Variants in FCGR3A observed in about 807,000 individuals in gnomAD.
The protein encoded by FCGR3A is low affinity immunoglobulin gamma Fc region receptor III-A.
FCGR3A carries 13 observed loss-of-function variants against 24.1 expected under a neutral mutation model. The ratio of observed to expected loss-of-function variants is 0.54; its 90% CI spans 0.35 to 0.86. The LOEUF (loss-of-function observed/expected upper bound fraction) is 0.86, where lower values mean the gene tolerates loss of function less well. Ranked by LOEUF, FCGR3A falls within the 40% of genes least tolerant of loss-of-function variation. The pLI, the probability that FCGR3A is intolerant of heterozygous loss-of-function variation, is 0.01. For synonymous variants in FCGR3A, 93 were observed against 112.2 expected (o/e 0.83, Z 1.08); for missense variants, 235 against 298.0 (o/e 0.79, Z 1.56).
chr1:161,545,096 G>A (rs1677329676), intron 3 of FCGR3A, 138 bp from the exon 4 acceptor site: 11 of 1,026,918 alleles, frequency 1.1e-5, no homozygotes, highest in Admixed American at 2.9e-5. Context: ...CTCCCTTTGG[G>A]GAAGAGCTGA....
At position 161,543,747 on chromosome 1, in the gene FCGR3A, A is replaced by G. The variant is rs1207358086; in HGVS notation, c.578-548T>C. The stretch of plus-strand genomic sequence containing the variant: ...TAAAGTGTCATGAAATTATTTTTGT[A>G]CAAATTATGGCATTGTAGTGTCAAA... On this transcript the variant is annotated intron_variant, in intron 4 of 4. Coordinates refer to ENST00000443193, the MANE Select transcript of FCGR3A (RefSeq NM_000569.8). 2.6e-5 allele frequency among the ~76,000 whole-genome samples: 4 copies of G among 152,276 alleles called. No individual in the cohort carries two copies. In the East Asian group the frequency reaches 7.7e-4, roughly 29 times the overall value.
Position 161,542,665 on chromosome 1 carries a change from T to C in FCGR3A, c.*347A>G, listed in dbSNP as rs1410552592. Reference sequence around the variant, plus strand: ...GTTTTTTTTTCCCCTCTAAACTGGGTAATTTATAACACGAGCAATTTTTGT... The same window carrying C: ...GTTTTTTTTTCCCCTCTAAACTGGGCAATTTATAACACGAGCAATTTTTGT... On this transcript the variant is annotated 3_prime_UTR_variant, in exon 5 of 5. Transcript: ENST00000443193. 1 of 179,198 alleles carries C rather than the reference T, an allele frequency of 5.6e-6. No individual in the cohort carries two copies. Among genetic ancestry groups the C allele is most frequent in the African/African-American group, 2.4e-5 (1 of 42,142 alleles). The allele number at this position is 179,198 out of a possible 1,614,324, so 11.1% of individuals were successfully genotyped here. A position where few individuals can be genotyped will look rare whatever the true frequency, so the allele number is the denominator to read the frequency against.
intron 1 of FCGR3A, 47 bp downstream of exon 1, chr1:161,549,650 C>T (rs34436026): frequency 0.03 from 48,577 of 1,609,900 alleles, 1,029 homozygotes; most frequent in Non-Finnish European, 0.036. Context: ...TCTGCTGAAC[C>T]CAAGGCATCT....
intron 4 of FCGR3A, among the ~76,000 whole-genome samples, chr1:161,543,730 C>G (rs1423171265): frequency 6.6e-6 from 1 of 152,260 alleles, no homozygotes; most frequent in Admixed American, 6.5e-5. Context: ...TTTAAAGTGT[C>G]ATGAAATTAT....
At position 161,543,199 on chromosome 1, in the gene FCGR3A, C is replaced by A. The variant is rs371513694; in HGVS notation, c.578G>T (p.Gly193Val). 18 of 1,612,042 alleles carry A rather than the reference C, an allele frequency of 1.1e-5. No individual in the cohort carries two copies. Among genetic ancestry groups the A allele is most frequent in the Non-Finnish European group, 8.5e-6 (10 of 1,179,098 alleles). The change falls in exon 5 of 5, where the codon GGT (glycine) becomes GTT (valine). Residue 193 changes from glycine (G) to valine (V), a missense_variant and splice_region_variant. Gly to Val is a moderately radical substitution (Grantham distance 109, BLOSUM62 -3). Coordinates refer to ENST00000443193, the MANE Select transcript of FCGR3A (RefSeq NM_000569.8). ...TGATGAGATGGTTGACACTGCCAAA[C>A]CTATTAGGAGAAGTGGAGAGATGAA... is the stretch of plus-strand genomic sequence containing the variant. ...SETVNITITQ[G>V]LAVSTISSFF...
intron 4 of FCGR3A, among the ~76,000 whole-genome samples, chr1:161,544,018 A>G (rs1677262521): frequency 6.6e-6 from 1 of 152,308 alleles, no homozygotes; most frequent in Non-Finnish European, 1.5e-5. Context: ...GAAGTCTTTG[A>G]TGTGACCTTA....
upstream of FCGR3A, chr1:161,549,924 A>T (rs1318756011): frequency 2.0e-6 from 3 of 1,531,696 alleles, no homozygotes; most frequent in African/African-American, 1.4e-5. Context: ...GCCCCACCAT[A>T]GAACAGGACC....
rs1378722771 is a variant in FCGR3A at position 161,549,585 on chromosome 1, T to A, written c.40+112A>T. 46 of 1,515,740 alleles carry A rather than the reference T, an allele frequency of 3.0e-5. 1 individual carries two copies. The highest frequency in any genetic ancestry group is 3.8e-5 in the Non-Finnish European group (43 of 1,134,508). 93.9% of individuals were successfully genotyped at this position (1,515,740 alleles called of 1,614,324 possible). ...GGAGCTCAATCCACAGCTATAGATG[T>A]GGTGAGGGGTCCCATCCCTTCGTGG... On this transcript the variant is annotated intron_variant, in intron 1 of 4. Transcript: ENST00000443193.
chr1:161,542,746 G>T lies in FCGR3A; in HGVS notation c.*266C>A, dbSNP rs767581354. The T allele has an allele frequency of 2.3e-4, 78 of 340,900 alleles. No individual in the cohort carries two copies. The highest frequency in any genetic ancestry group is 3.7e-4 in the Non-Finnish European group (69 of 185,938). 21.1% of individuals were successfully genotyped at this position (340,900 alleles called of 1,614,324 possible). A position where few individuals can be genotyped will look rare whatever the true frequency, so the allele number is the denominator to read the frequency against. ...ATTGTTGCTTTGCTGTGAGGGAACG[G>T]TTGGGACAGAAAAAGTGTTTGTGTA... is the stretch of plus-strand genomic sequence containing the variant. On this transcript the variant is annotated 3_prime_UTR_variant, in exon 5 of 5. Coordinates refer to ENST00000443193, the MANE Select transcript of FCGR3A (RefSeq NM_000569.8).
chr1:161,548,537 G>A lies in FCGR3A; in HGVS notation c.203C>T (p.Ser68Leu), dbSNP rs750126518. 6.2e-7 allele frequency: 1 copy of A among 1,613,920 alleles called. No homozygotes were observed. Among genetic ancestry groups the A allele is most frequent in the African/African-American group, 1.3e-5 (1 of 74,936 alleles). Residue 68 changes from serine to leucine, a missense_variant, in exon 3 of 5, where the codon TCA becomes TTA. By Grantham distance (145) the Ser-to-Leu change is moderately radical. Coordinates refer to ENST00000443193, the MANE Select transcript of FCGR3A (RefSeq NM_000569.8). ...TQWFHNESLI[S>L]SQASSYFIDA... Reference sequence around the variant, plus strand: ...AATGAAGTAGCTCGAGGCCTGGCTTGAGATGAGGCTCTCATTGTGAAACCA... The same window carrying A: ...AATGAAGTAGCTCGAGGCCTGGCTTAAGATGAGGCTCTCATTGTGAAACCA...
chr1:161,549,856 A>C, upstream of FCGR3A: 1 of 1,611,512 alleles, frequency 6.2e-7, no homozygotes, highest in Non-Finnish European at 8.5e-7. Context: ...TCTGTCACCC[A>C]CCAATTTCCT....
chr1:161,548,007 G>A (rs1436045457), intron 3 of FCGR3A, among the ~76,000 whole-genome samples: 1 of 152,300 alleles, frequency 6.6e-6, no homozygotes, highest in Non-Finnish European at 1.5e-5. Flanking sequence ...GGGGGCAGAA[G>A]TTGCAGTGAG....
At chr1:161,547,433 G>A (rs1677473929) in intron 3 of FCGR3A, among the ~76,000 whole-genome samples, 1 of 152,164 alleles carries the variant, frequency 6.6e-6, no homozygotes, top group African/African-American at 2.4e-5. Flanking sequence ...GGGCGACACT[G>A]CAGGGACCAG....
At position 161,543,049 on chromosome 1, in the gene FCGR3A, T is replaced by C. The variant is rs1553200676; in HGVS notation, c.728A>G (p.His243Arg). 4 of 1,613,158 alleles carry C rather than the reference T, an allele frequency of 2.5e-6. No homozygotes were observed. The South Asian group carries it at 4.4e-5, about 18-fold the overall frequency. Residue 243 changes from histidine (H) to arginine (R), a missense_variant, in exon 5 of 5, where the codon CAT becomes CGT. By Grantham distance (29) the His-to-Arg change is conservative. Coordinates refer to ENST00000443193, the MANE Select transcript of FCGR3A (RefSeq NM_000569.8). Reference protein sequence around the residue: ...IRSSTRDWKDHKFKWRKDPQD... With the variant: ...IRSSTRDWKDRKFKWRKDPQD... ...AGGGTCCTTTCTCCATTTAAATTTA[T>C]GGTCCTTCCAGTCTCTTGTTGAGCT...
upstream of FCGR3A, chr1:161,550,680 ACCT>A (rs1258265905): frequency 9.2e-5 from 14 of 152,320 alleles, no homozygotes; most frequent in Admixed American, 6.5e-4. Flanking sequence ...AGGGTTGTTA[ACCT>A]CTTCTCTTCT....
At chr1:161,544,999 C>T (rs767073495) in intron 3 of FCGR3A, 41 bp from the exon 4 acceptor site, 2 of 1,599,828 alleles carry the variant, frequency 1.3e-6, no homozygotes, top group Non-Finnish European at 8.6e-7. Context: ...GGCCTCAGCT[C>T]TCAGTGCAGA....
chr1:161,546,892 G>A (rs1214055444), intron 3 of FCGR3A, among the ~76,000 whole-genome samples: 1 of 151,942 alleles, frequency 6.6e-6, no homozygotes, highest in Admixed American at 6.6e-5. Flanking sequence ...GTGACAGAGA[G>A]AGACTCTGTC....
upstream of FCGR3A, chr1:161,549,966 G>A (rs906555049): frequency 7.9e-6 from 9 of 1,144,730 alleles, 1 homozygote; most frequent in Non-Finnish European, 1.1e-5. Context: ...CAAGGTGGGT[G>A]GGTCTGCCCC....
Position 161,549,047 on chromosome 1 carries a change from T to C in FCGR3A, c.41-16A>G, listed in dbSNP as rs1361404552. The C allele has an allele frequency of 3.9e-6, 6 of 1,555,660 alleles. No homozygotes were observed. In the South Asian group the frequency reaches 6.8e-5, roughly 18 times the overall value. On this transcript the variant is annotated splice_polypyrimidine_tract_variant and intron_variant, in intron 1 of 4. Coordinates refer to ENST00000443193, the MANE Select transcript of FCGR3A (RefSeq NM_000569.8). ...CCAGCTGAAACTGCAAGAAAAAAGA[T>C]AAATCAAATATTGAGTAGGGGCAGA...
Sources: gnomAD v4.1 joint callset for allele counts (sites outside exome capture counted in the v4.1 genomes callset) on GRCh38, gnomAD v4.1.1 for gene constraint, MANE v1.5 for transcripts, NCBI Gene and HGNC (gene_info 2026-07-23, HGNC 2026-07-21) for gene names.